Variants in CRACDL observed in about 807,000 individuals in gnomAD.
The protein encoded by CRACDL is CRACD like.
In CRACDL, 26 loss-of-function variants were observed where a neutral mutation model predicts 70.6. That is an observed-to-expected ratio of 0.37 (90% CI 0.27 to 0.51). The LOEUF is 0.51. Ranked by LOEUF, CRACDL falls within the 20% of genes least tolerant of loss-of-function variation. The pLI, the probability that CRACDL is intolerant of heterozygous loss-of-function variation, is 0.94. For synonymous variants in CRACDL, 618 were observed against 615.2 expected (o/e 1.00, Z -0.07); for missense variants, 1,283 against 1,376.9 (o/e 0.93, Z 1.08).
intron 7 of CRACDL, among the ~76,000 whole-genome samples, chr2:98,810,404 T>A (rs1414804476): frequency 6.6e-6 from 1 of 152,132 alleles, no homozygotes; most frequent in South Asian, 2.1e-4. Context: ...GCAATGCGAA[T>A]TTTTAAAGAG....
At chr2:98,898,548 G>C (rs1573167633) in intron 1 of CRACDL, among the ~76,000 whole-genome samples, 1 of 152,374 alleles carries the variant, frequency 6.6e-6, no homozygotes, top group East Asian at 1.9e-4. Context: ...ACATGCACCA[G>C]AGTCAGATGG....
intron 1 of CRACDL, among the ~76,000 whole-genome samples, chr2:98,928,149 C>T (rs1255264661): frequency 6.6e-6 from 1 of 151,758 alleles, no homozygotes; most frequent in Non-Finnish European, 1.5e-5. Flanking sequence ...GGCGCCACTG[C>T]ATTCCAGCCT....
At chr2:98,902,246 C>T (rs1030966713) in intron 1 of CRACDL, among the ~76,000 whole-genome samples, 7 of 152,154 alleles carry the variant, frequency 4.6e-5, no homozygotes, top group Non-Finnish European at 1.0e-4. Flanking sequence ...CAAGTGGGCT[C>T]GCCTCTCTCA....
chr2:98,848,972 T>C (rs907431240), intron 1 of CRACDL, among the ~76,000 whole-genome samples: 1 of 152,202 alleles, frequency 6.6e-6, no homozygotes, highest in African/African-American at 2.4e-5. Flanking sequence ...ACTGACTGCA[T>C]ACCCAGCATG....
chr2:98,838,223 C>A lies in CRACDL; in HGVS notation c.135G>T (p.Ser45=). The change falls in exon 3 of 10, where the codon TCG becomes TCT. Residue 45 remains serine, a synonymous_variant. Transcript: ENST00000397899. ...KFFGKKKRKE[S]PSSTGSSTWK... is the part of the protein sequence containing the mutation. ...AGGTGCTACTTCCTGTGGACGACGG[C>A]GATTCTTTTCTCTTCTTCTTCCCAA... 1 of 1,613,444 alleles carries A rather than the reference C, an allele frequency of 6.2e-7. No individual in the cohort carries two copies. The highest frequency in any genetic ancestry group is 1.7e-4 in the Middle Eastern group (1 of 6,058).
At chr2:98,910,141 G>C (rs543672037) in intron 1 of CRACDL, among the ~76,000 whole-genome samples, 2 of 152,170 alleles carry the variant, frequency 1.3e-5, no homozygotes, top group African/African-American at 4.8e-5. Flanking sequence ...TCTTACCAAG[G>C]GGGCTGTGAG....
intron 1 of CRACDL, among the ~76,000 whole-genome samples, chr2:98,923,121 A>T (rs1708842387): frequency 6.6e-6 from 1 of 152,074 alleles, no homozygotes; most frequent in Non-Finnish European, 1.5e-5. Context: ...ATACAAAAAA[A>T]TTAGCCAGGT....
intron 2 of CRACDL, 134 bp downstream of exon 2, chr2:98,846,597 G>T: frequency 1.5e-6 from 1 of 680,322 alleles, no homozygotes; most frequent in Non-Finnish European, 2.6e-6. Flanking sequence ...AGGGCCTGGG[G>T]GTATCTGAGC....
chr2:98,893,315 G>A (rs570916049), intron 1 of CRACDL, among the ~76,000 whole-genome samples: 43 of 151,836 alleles, frequency 2.8e-4, no homozygotes, highest in Non-Finnish European at 4.3e-4. Flanking sequence ...GACGAGTCTC[G>A]CTCTGTTGCC....
chr2:98,900,728 C>G (rs1429301802), intron 1 of CRACDL, among the ~76,000 whole-genome samples: 1 of 152,052 alleles, frequency 6.6e-6, no homozygotes, highest in African/African-American at 2.4e-5. Context: ...AAAGGCAGGC[C>G]TCTCAAGAAC....
rs768632044 is a variant in CRACDL at position 98,822,253 on chromosome 2, C to G, written c.2020G>C (p.Ala674Pro). The G allele has an allele frequency of 6.3e-7, 1 of 1,596,708 alleles. No homozygotes were observed. Among genetic ancestry groups the G allele is most frequent in the Non-Finnish European group, 8.5e-7 (1 of 1,177,064 alleles). Reference protein sequence around the residue: ...REPCPAAQEPAPSEDRNPFPV... With the variant: ...REPCPAAQEPPPSEDRNPFPV... ...AAGGGGTTTCTGTCCTCACTCGGGGCCGGCTCCTGGGCGGCTGGGCAGGGC... is the reference window on the plus strand; with the variant it reads ...AAGGGGTTTCTGTCCTCACTCGGGGGCGGCTCCTGGGCGGCTGGGCAGGGC... The change falls in exon 7 of 10, where the codon GCC (alanine) becomes CCC (proline). Residue 674 changes from alanine (A) to proline (P), a missense_variant. By Grantham distance (27) the Ala-to-Pro change is conservative. Coordinates refer to ENST00000397899, the MANE Select transcript of CRACDL (RefSeq NM_207362.3). This position sits in a 1 kb window ranked among gnomAD's most constrained non-coding sequence, Gnocchi z 4.9.
At chr2:98,876,185 A>G (rs1201600040) in intron 1 of CRACDL, among the ~76,000 whole-genome samples, 3 of 152,310 alleles carry the variant, frequency 2.0e-5, no homozygotes, top group African/African-American at 4.8e-5. Flanking sequence ...GTTTGCCTTT[A>G]TTTTCTTAAA....
chr2:98,838,021 C>A, intron 3 of CRACDL, 98 bp downstream of exon 3: 1 of 1,045,154 alleles, frequency 9.6e-7, no homozygotes, highest in South Asian at 1.8e-5. Flanking sequence ...ATGGAATTAC[C>A]CAGGAGGAAA....
At chr2:98,818,356 G>A (rs1704876143) in intron 7 of CRACDL, among the ~76,000 whole-genome samples, 1 of 152,172 alleles carries the variant, frequency 6.6e-6, no homozygotes, top group Non-Finnish European at 1.5e-5. Flanking sequence ...TACTCCTTCT[G>A]CTGAAGCGTC....
chr2:98,811,114 G>C (rs1465598496), intron 7 of CRACDL, among the ~76,000 whole-genome samples: 1 of 152,166 alleles, frequency 6.6e-6, no homozygotes, highest in Non-Finnish European at 1.5e-5. Flanking sequence ...CAGTGTTCAA[G>C]GGAAACACGA....
chr2:98,914,656 C>T (rs1708626314), intron 1 of CRACDL, among the ~76,000 whole-genome samples: 2 of 152,178 alleles, frequency 1.3e-5, no homozygotes, highest in Non-Finnish European at 2.9e-5. Flanking sequence ...TCTGGGGAGC[C>T]GGCTGGCGAC....
At position 98,911,100 on chromosome 2, in the gene CRACDL, A is replaced by C. The variant is rs143524615; in HGVS notation, c.-11+24838T>G. On this transcript the variant is annotated intron_variant, in intron 1 of 9. Coordinates refer to ENST00000397899, the MANE Select transcript of CRACDL (RefSeq NM_207362.3). ...GGCACCTGGGTGAGGTGCCGAACTGAGAGGTGAGAGACCCCCACGCCCGTG... is the reference window on the plus strand; with the variant it reads ...GGCACCTGGGTGAGGTGCCGAACTGCGAGGTGAGAGACCCCCACGCCCGTG... 3.3e-4 allele frequency among the ~76,000 whole-genome samples: 51 copies of C among 152,266 alleles called. No individual in the cohort carries two copies. In the East Asian group the frequency reaches 6.8e-3, roughly 20 times the overall value.
chr2:98,827,244 C>T (rs1057490095), intron 5 of CRACDL, 75 bp from the exon 6 acceptor site: 78 of 1,009,356 alleles, frequency 7.7e-5, no homozygotes, highest in Non-Finnish European at 1.1e-4. Flanking sequence ...CGCAACAATG[C>T]TCTTTTCTGC....
intron 6 of CRACDL, among the ~76,000 whole-genome samples, chr2:98,826,000 A>G (rs1705285597): frequency 6.6e-6 from 1 of 152,310 alleles, no homozygotes; most frequent in Middle Eastern, 3.4e-3. Flanking sequence ...GACAGAGGAC[A>G]TTAGCCTGTG....
Sources: gnomAD v4.1 joint callset for allele counts (sites outside exome capture counted in the v4.1 genomes callset) on GRCh38, gnomAD v4.1.1 for gene constraint, Gnocchi (gnomAD v3.1) non-coding constraint, MANE v1.5 for transcripts, NCBI Gene and HGNC (gene_info 2026-07-23, HGNC 2026-07-21) for gene names.